The following IARS1 variants were observed in gnomAD, a reference collection of about 807,000 sequenced individuals.
IARS1 encodes the protein isoleucyl-tRNA synthetase 1, also known as isoleucine--tRNA ligase, cytoplasmic.
A neutral mutation model predicts 168.2 loss-of-function variants in IARS1; 124 were observed. The ratio of observed to expected loss-of-function variants is 0.74; its 90% CI spans 0.64 to 0.86. IARS1 has a LOEUF of 0.86. Ranked by LOEUF, IARS1 falls within the 40% of genes least tolerant of loss-of-function variation. IARS1 has a pLI of 0.00. For synonymous variants in IARS1, 532 were observed against 529.4 expected (o/e 1.00, Z -0.07); for missense variants, 1,452 against 1,515.8 (o/e 0.96, Z 0.70).
At chr9:92,243,338 G>T in intron 27 of IARS1, 27 bp from the exon 28 acceptor site, 1 of 1,474,906 alleles carries the variant, frequency 6.8e-7, no homozygotes, top group Non-Finnish European at 9.5e-7. Flanking sequence ...TGCACACCAT[G>T]ACAATCAAAT....
At chr9:92,237,528 TC>T (rs35414500) in intron 30 of IARS1, among the ~76,000 whole-genome samples, 17,106 of 152,216 alleles carry the variant, frequency 0.11, 1,101 homozygotes, top group South Asian at 0.22. Flanking sequence ...TTCTAACTGG[TC>T]TATTGATTAC....
At chr9:92,275,811 C>T (rs1052632391) in intron 9 of IARS1, among the ~76,000 whole-genome samples, 3 of 152,234 alleles carry the variant, frequency 2.0e-5, no homozygotes, top group African/African-American at 7.2e-5. Context: ...TTTCAGTGAA[C>T]ATCAGATGAT....
intron 8 of IARS1, 71 bp downstream of exon 8, chr9:92,278,128 T>C: frequency 1.7e-6 from 2 of 1,176,568 alleles, no homozygotes; most frequent in Non-Finnish European, 2.5e-6. Context: ...CAAAGTTTAT[T>C]TCTTTTTAAA....
At chr9:92,278,029 G>T in intron 8 of IARS1, 106 bp from the exon 9 acceptor site, 1 of 1,160,536 alleles carries the variant, frequency 8.6e-7, no homozygotes, top group Non-Finnish European at 1.3e-6. Flanking sequence ...CTTAGCCCTA[G>T]CCATTCATGC....
intron 10 of IARS1, 63 bp from the exon 11 acceptor site, chr9:92,271,718 AAT>A (rs1833067073): frequency 1.3e-6 from 2 of 1,532,244 alleles, no homozygotes; most frequent in African/African-American, 2.7e-5. Flanking sequence ...AGCATGAGGT[AAT>A]AGATTCCCAA....
chr9:92,282,860 A>ATATATATAT (rs1230782830), intron 6 of IARS1, among the ~76,000 whole-genome samples: 4 of 132,854 alleles, frequency 3.0e-5, no homozygotes, highest in African/African-American at 1.2e-4. Flanking sequence ...ATATATATAT[A>ATATATATAT]TTTTTTTTTT....
intron 15 of IARS1, 148 bp from the exon 16 acceptor site, chr9:92,265,271 G>A: frequency 1.2e-6 from 1 of 831,850 alleles, no homozygotes; most frequent in Non-Finnish European, 1.8e-6. Context: ...CTTTCAGAGA[G>A]CACCATGAAT....
At chr9:92,215,303 A>G (rs1260772956) in intron 33 of IARS1, among the ~76,000 whole-genome samples, 1 of 152,076 alleles carries the variant, frequency 6.6e-6, no homozygotes, top group African/African-American at 2.4e-5. Context: ...AAAAGTAGAT[A>G]AAACCACAAA....
chr9:92,241,047 TAAC>T (rs1057183768), intron 29 of IARS1, 86 bp from the exon 30 acceptor site: 10 of 752,852 alleles, frequency 1.3e-5, no homozygotes, highest in Non-Finnish European at 2.2e-5. Flanking sequence ...GACTTCTCAG[TAAC>T]AACAAGAGCT....
At chr9:92,266,792 C>T (rs1832344281) in intron 14 of IARS1, among the ~76,000 whole-genome samples, 1 of 152,234 alleles carries the variant, frequency 6.6e-6, no homozygotes, top group African/African-American at 2.4e-5. Flanking sequence ...TCCAGCCTTC[C>T]ATCATAAGTG....
Position 92,252,758 on chromosome 9 carries a change from C to T in IARS1, c.2229+604G>A, listed in dbSNP as rs113824019. Among the ~76,000 whole-genome samples, 2 of 76,098 alleles carry T rather than the reference C, an allele frequency of 2.6e-5. 1 individual carries two copies. The highest frequency in any genetic ancestry group is 1.5e-4 in the African/African-American group (2 of 12,914). 49.9% of individuals were successfully genotyped at this position (76,098 alleles called of 152,430 possible). A position where few individuals can be genotyped will look rare whatever the true frequency, so the allele number is the denominator to read the frequency against. The stretch of plus-strand genomic sequence containing the variant: ...CAGCCTGGGTGACAAGAGTGAAACT[C>T]CTTCTCAAAAAAAAAAAAAAAAAAA... On this transcript the variant is annotated intron_variant, in intron 21 of 33. Transcript: ENST00000443024.
At chr9:92,288,608 G>A (rs531443517) in intron 2 of IARS1, among the ~76,000 whole-genome samples, 11 of 152,252 alleles carry the variant, frequency 7.2e-5, no homozygotes, top group African/African-American at 2.4e-4. Flanking sequence ...TTGACCAGAG[G>A]AGACATATAA....
At chr9:92,237,009 A>G (rs1475427019) in intron 30 of IARS1, among the ~76,000 whole-genome samples, 7 of 152,096 alleles carry the variant, frequency 4.6e-5, no homozygotes, top group African/African-American at 1.7e-4. Context: ...TAAGAACCAG[A>G]TTTCTGTATC....
At chr9:92,277,957 T>G (rs1364521181) in intron 8 of IARS1, 34 bp from the exon 9 acceptor site, 4 of 1,596,348 alleles carry the variant, frequency 2.5e-6, no homozygotes, top group Admixed American at 1.7e-5. Context: ...CACAATTAGA[T>G]TAAAATCAAA....
intron 31 of IARS1, among the ~76,000 whole-genome samples, chr9:92,227,164 T>C (rs1825833192): frequency 7.2e-6 from 1 of 138,686 alleles, no homozygotes; most frequent in Non-Finnish European, 1.5e-5. Flanking sequence ...GAAGAATTTT[T>C]CTTAGTACAG....
At chr9:92,260,310 T>G (rs991834177) in intron 17 of IARS1, 76 bp from the exon 18 acceptor site, 2 of 986,552 alleles carry the variant, frequency 2.0e-6, no homozygotes, top group Non-Finnish European at 3.3e-6. Context: ...TACAAATCAT[T>G]TGCAAACAGG....
chr9:92,262,221 T>A (rs922412457), intron 17 of IARS1, among the ~76,000 whole-genome samples: 1 of 152,124 alleles, frequency 6.6e-6, no homozygotes, highest in Admixed American at 6.5e-5. Context: ...ATAGGACCCA[T>A]CTCAAATGGT....
At chr9:92,214,092 C>T (rs981573667) in intron 33 of IARS1, among the ~76,000 whole-genome samples, 1 of 151,966 alleles carries the variant, frequency 6.6e-6, no homozygotes, top group East Asian at 1.9e-4. Flanking sequence ...GACCCAGTCA[C>T]AGCTTTCTTA....
chr9:92,268,177 C>T lies in IARS1; in HGVS notation c.1428G>A (p.Glu476=). Residue 476 remains glutamate, a synonymous_variant, in exon 14 of 34, where the codon GAG becomes GAA. Coordinates refer to ENST00000443024, the MANE Select transcript of IARS1 (RefSeq NM_002161.6). ...PIPLWVSDDF[E]EVVCIGSVAE... ...AGGAAATACTGCCATGCCTCACCTC[C>T]TCAAAGTCATCGCTGACCCACAGTG... The T allele has an allele frequency of 1.3e-6, 2 of 1,595,118 alleles. No individual in the cohort carries two copies. The highest frequency in any genetic ancestry group is 1.7e-6 in the Non-Finnish European group (2 of 1,174,298).
Sources: allele counts gnomAD v4.1 joint callset (sites outside exome capture counted in the v4.1 genomes callset), GRCh38; gene constraint gnomAD v4.1.1; transcripts MANE v1.5; gene names NCBI Gene and HGNC (gene_info 2026-07-23, HGNC 2026-07-21).